STX12: variants seen among roughly 807,000 people sequenced by gnomAD.
The protein encoded by STX12 is syntaxin 12, also known as syntaxin-12.
STX12 carries 17 observed loss-of-function variants against 42.2 expected under a neutral mutation model. That is an observed-to-expected ratio of 0.40 (90% CI 0.28 to 0.60). The LOEUF (loss-of-function observed/expected upper bound fraction) is 0.60. Ranked by LOEUF, STX12 falls within the 20% of genes least tolerant of loss-of-function variation. The pLI, the probability that STX12 is intolerant of heterozygous loss-of-function variation, is 0.39. For synonymous variants in STX12, 108 were observed against 116.7 expected (o/e 0.93, Z 0.48); for missense variants, 297 against 330.9 (o/e 0.90, Z 0.79).
chr1:27,800,489 GT>G (rs1404738710), intron 3 of STX12, among the ~76,000 whole-genome samples: 3 of 5,204 alleles, frequency 5.8e-4, no homozygotes, highest in Non-Finnish European at 8.2e-4. Context: ...TCAGTATGTG[GT>G]GTGTGTGTGT....
intron 1 of STX12, among the ~76,000 whole-genome samples, chr1:27,775,629 A>G (rs1301653664): frequency 6.6e-6 from 1 of 152,222 alleles, no homozygotes; most frequent in Non-Finnish European, 1.5e-5. Flanking sequence ...GGATCTTTCA[A>G]CAGGGAACCT....
At chr1:27,815,862 G>A (rs924092104) in intron 6 of STX12, among the ~76,000 whole-genome samples, 3 of 152,146 alleles carry the variant, frequency 2.0e-5, no homozygotes, top group Non-Finnish European at 2.9e-5. Context: ...TCTTTCTTCT[G>A]CCTGATCATG....
In STX12 at chr1:27,822,297, CTTA is replaced by C; in HGVS notation, c.804_806del (p.Ile269del). ...GTCAGTGATTATTCTAATCTTGGGA[CTTA>C]TTATCTGGCTAGTTTATAAAACGAA... On this transcript the variant is annotated inframe_deletion, in exon 9 of 9. Transcript: ENST00000373943. 1 of 1,613,122 alleles carries C rather than the reference CTTA, an allele frequency of 6.2e-7. No homozygotes were observed. Among genetic ancestry groups the C allele is most frequent in the Admixed American group, 1.7e-5 (1 of 60,002 alleles).
chr1:27,788,763 G>A (rs1008993408), intron 1 of STX12, among the ~76,000 whole-genome samples: 10 of 152,126 alleles, frequency 6.6e-5, no homozygotes, highest in Non-Finnish European at 1.3e-4. Context: ...TGTAATCCCA[G>A]GACTTTGGGA....
chr1:27,776,822 ACT>A (rs1557796619), intron 1 of STX12, among the ~76,000 whole-genome samples: 1 of 152,086 alleles, frequency 6.6e-6, no homozygotes, highest in Non-Finnish European at 1.5e-5. Context: ...TCCAGAGGAC[ACT>A]CTGTGGGGGA....
chr1:27,799,294 C>G (rs2088810217), intron 3 of STX12, among the ~76,000 whole-genome samples: 1 of 152,142 alleles, frequency 6.6e-6, no homozygotes, highest in South Asian at 2.1e-4. Context: ...TAAACCTAGA[C>G]TATTGAATTA....
intron 1 of STX12, among the ~76,000 whole-genome samples, chr1:27,779,338 T>G (rs908804406): frequency 6.8e-6 from 1 of 146,592 alleles, no homozygotes; most frequent in African/African-American, 2.8e-5. Flanking sequence ...TTTTTGTTTT[T>G]TTTTGTTTTT....
At chr1:27,821,161 G>A (rs2088980883) in intron 8 of STX12, among the ~76,000 whole-genome samples, 4 of 148,708 alleles carry the variant, frequency 2.7e-5, no homozygotes, top group South Asian at 2.1e-4. Context: ...AAAACTTAAC[G>A]TATAATTAAA....
Position 27,822,390 on chromosome 1 carries a change from C to A in STX12, c.*61C>A. ...AGGGCAAGTGCTTGTTGAAGTCTTG[C>A]CAGAACAAACTGATCACAAGAAGAC... On this transcript the variant is annotated 3_prime_UTR_variant, in exon 9 of 9. Coordinates refer to ENST00000373943, the MANE Select transcript of STX12 (RefSeq NM_177424.3). 1.9e-6 allele frequency: 2 copies of A among 1,034,692 alleles called. No homozygotes were observed. Among genetic ancestry groups the A allele is most frequent in the Non-Finnish European group, 1.5e-6 (1 of 651,942 alleles). The allele number at this position is 1,034,692 out of a possible 1,614,324, so 64.1% of individuals were successfully genotyped here. A position where few individuals can be genotyped will look rare whatever the true frequency, so the allele number is the denominator to read the frequency against.
chr1:27,792,906 C>T (rs2088758822), intron 2 of STX12, among the ~76,000 whole-genome samples: 1 of 152,156 alleles, frequency 6.6e-6, no homozygotes, highest in Non-Finnish European at 1.5e-5. Context: ...CTCTTCAATT[C>T]CCCTTCCTCC....
chr1:27,796,546 C>T (rs985796465), intron 3 of STX12, among the ~76,000 whole-genome samples: 1 of 152,096 alleles, frequency 6.6e-6, no homozygotes, highest in Non-Finnish European at 1.5e-5. Flanking sequence ...CATGTGCCAC[C>T]ACACCAAGCT....
chr1:27,805,709 T>G (rs1013834367), intron 4 of STX12, among the ~76,000 whole-genome samples: 2 of 152,216 alleles, frequency 1.3e-5, no homozygotes, highest in African/African-American at 4.8e-5. Flanking sequence ...TGATGAACTC[T>G]CTCAGCTTTT....
At chr1:27,792,060 A>G (rs957203272) in intron 2 of STX12, among the ~76,000 whole-genome samples, 2 of 142,924 alleles carry the variant, frequency 1.4e-5, no homozygotes, top group East Asian at 2.0e-4. Flanking sequence ...ATATATCTAT[A>G]ATATATATAA....
chr1:27,777,022 G>A (rs2088632378), intron 1 of STX12, among the ~76,000 whole-genome samples: 1 of 152,220 alleles, frequency 6.6e-6, no homozygotes, highest in African/African-American at 2.4e-5. Flanking sequence ...CCTGCTGTGT[G>A]CTGGGGTGAA....
intron 3 of STX12, among the ~76,000 whole-genome samples, chr1:27,801,276 G>A (rs2088825867): frequency 6.6e-6 from 1 of 152,112 alleles, no homozygotes; most frequent in Non-Finnish European, 1.5e-5. Context: ...GGTGGTGGGT[G>A]CCTGTAATCC....
chr1:27,810,155 GC>G (rs1330142561), intron 4 of STX12, 90 bp from the exon 5 acceptor site: 4 of 1,168,604 alleles, frequency 3.4e-6, no homozygotes, highest in Admixed American at 1.9e-5. Context: ...AAAGGATGTT[GC>G]TTCTTTATAC....
At chr1:27,818,384 T>TAAAAAAA (rs199601647) in intron 7 of STX12, among the ~76,000 whole-genome samples, 1 of 140,288 alleles carries the variant, frequency 7.1e-6, no homozygotes. Context: ...TCGTCTCAAT[T>TAAAAAAA]AAAAAAAAAA....
chr1:27,814,709 G>A (rs1231043035), intron 6 of STX12, among the ~76,000 whole-genome samples: 1 of 151,836 alleles, frequency 6.6e-6, no homozygotes, highest in Non-Finnish European at 1.5e-5. Context: ...AATTAGCCGG[G>A]TGTGGTGGTG....
chr1:27,782,577 C>T (rs924455480), intron 1 of STX12, among the ~76,000 whole-genome samples: 1 of 152,164 alleles, frequency 6.6e-6, no homozygotes, highest in Non-Finnish European at 1.5e-5. Flanking sequence ...GTGACTCACA[C>T]CTGTAATTCC....
Sources: gnomAD v4.1 joint callset for allele counts (sites outside exome capture counted in the v4.1 genomes callset) on GRCh38, gnomAD v4.1.1 for gene constraint, MANE v1.5 for transcripts, NCBI Gene and HGNC (gene_info 2026-07-23, HGNC 2026-07-21) for gene names.